LARP4B: variants seen among roughly 807,000 people sequenced by gnomAD.
LARP4B encodes the protein La ribonucleoprotein 4B.
In LARP4B, 12 loss-of-function variants were observed where a neutral mutation model predicts 89.8. The observed-to-expected ratio is 0.13, with a 90% CI of 0.09 to 0.22. LARP4B has a LOEUF of 0.22. Among genes scored for constraint, LARP4B ranks in the 10% least tolerant of loss-of-function variants. The pLI, the probability that LARP4B is intolerant of heterozygous loss-of-function variation, is 1.00. For missense variants in LARP4B, 757 were observed against 947.7 expected, an observed-to-expected ratio of 0.80 and a Z score of 2.64; for synonymous variants, 367 against 363.3, an observed-to-expected ratio of 1.01 and a Z score of -0.12.
chr10:847,962 G>A (rs747399501), intron 5 of LARP4B, among the ~76,000 whole-genome samples: 4 of 152,186 alleles, frequency 2.6e-5, no homozygotes, highest in African/African-American at 9.7e-5. Flanking sequence ...AGAGAATGCA[G>A]GAGATAGGGA....
the LARP4B span, among the ~76,000 whole-genome samples, chr10:980,149 C>T: frequency 6.6e-6 from 1 of 152,246 alleles, no homozygotes; most frequent in African/African-American, 2.4e-5. Context: ...ATCCAGGGCA[C>T]ACGGCTGCAA....
At chr10:974,054 G>A in the LARP4B span, among the ~76,000 whole-genome samples, 2 of 152,122 alleles carry the variant, frequency 1.3e-5, no homozygotes, top group Non-Finnish European at 2.9e-5. Flanking sequence ...ACAGCTCCCT[G>A]TGTCCCAAAG....
chr10:907,476 T>G (rs1167996193), intron 1 of LARP4B, among the ~76,000 whole-genome samples: 2 of 152,202 alleles, frequency 1.3e-5, no homozygotes, highest in Non-Finnish European at 2.9e-5. Context: ...GCATGTCCGT[T>G]TAAGTGTGCA....
intron 1 of LARP4B, among the ~76,000 whole-genome samples, chr10:897,746 C>T (rs1206353918): frequency 6.6e-6 from 1 of 152,008 alleles, no homozygotes; most frequent in South Asian, 2.1e-4. Context: ...CCAGCACTTT[C>T]CGAGGCCGAA....
intron 12 of LARP4B, 44 bp downstream of exon 12, chr10:825,720 A>G (rs1168124785): frequency 1.5e-6 from 2 of 1,291,242 alleles, no homozygotes; most frequent in South Asian, 2.5e-5. Context: ...CCGGAAGGGC[A>G]GTAGCGTAAA....
At chr10:851,333 G>A (rs149626397) in intron 5 of LARP4B, among the ~76,000 whole-genome samples, 48 of 152,076 alleles carry the variant, frequency 3.2e-4, no homozygotes, top group Middle Eastern at 3.4e-3. Flanking sequence ...ACAGGCGCCC[G>A]CCACCACAGG....
chr10:958,242 T>C, the LARP4B span, among the ~76,000 whole-genome samples: 1 of 152,208 alleles, frequency 6.6e-6, no homozygotes, highest in Admixed American at 6.5e-5. Flanking sequence ...GCTGGTCAGC[T>C]GCTCCCTGGC....
the LARP4B span, among the ~76,000 whole-genome samples, chr10:974,640 A>G: frequency 6.6e-6 from 1 of 152,224 alleles, no homozygotes; most frequent in Non-Finnish European, 1.5e-5. Flanking sequence ...TTGTCTCAGA[A>G]CACAGAAATG....
At chr10:843,810 C>A (rs1833645839) in intron 6 of LARP4B, among the ~76,000 whole-genome samples, 1 of 152,200 alleles carries the variant, frequency 6.6e-6, no homozygotes, top group Non-Finnish European at 1.5e-5. Flanking sequence ...CTCCTGTAGA[C>A]TCTGGAACAC....
At chr10:843,345 A>C (rs1358808797) in intron 6 of LARP4B, among the ~76,000 whole-genome samples, 1 of 152,238 alleles carries the variant, frequency 6.6e-6, no homozygotes, top group East Asian at 1.9e-4. Context: ...ATAAGATGTA[A>C]TTATTTATAG....
At chr10:867,862 GAAAAAAAAA>G (rs903762145) in intron 3 of LARP4B, among the ~76,000 whole-genome samples, 4 of 43,356 alleles carry the variant, frequency 9.2e-5, no homozygotes, top group Admixed American at 2.7e-4. Context: ...CTCCATCCTT[GAAAAAAAAA>G]AAAAAAAAAA....
chr10:965,298 G>C, the LARP4B span, among the ~76,000 whole-genome samples: 2 of 152,202 alleles, frequency 1.3e-5, no homozygotes, highest in African/African-American at 4.8e-5. Context: ...CGGTGGTGCT[G>C]ATTCACTTCC....
chr10:900,301 C>G (rs552449989), intron 1 of LARP4B, among the ~76,000 whole-genome samples: 1 of 151,652 alleles, frequency 6.6e-6, no homozygotes, highest in Non-Finnish European at 1.5e-5. Context: ...GAGCCAAGAT[C>G]GCACCATTGC....
At chr10:834,467 A>T (rs1833090198) in intron 8 of LARP4B, among the ~76,000 whole-genome samples, 1 of 152,226 alleles carries the variant, frequency 6.6e-6, no homozygotes, top group South Asian at 2.1e-4. Flanking sequence ...AGTGACATTT[A>T]AAGAATAATT....
chr10:807,472 A>G (rs1831598421), downstream of LARP4B: 1 of 152,298 alleles, frequency 6.6e-6, no homozygotes, highest in Non-Finnish European at 1.5e-5. Context: ...TGTCTTCTGC[A>G]TCTGCATCTC....
At chr10:905,746 A>G (rs542935429) in intron 1 of LARP4B, among the ~76,000 whole-genome samples, 1 of 152,058 alleles carries the variant, frequency 6.6e-6, no homozygotes, top group South Asian at 2.1e-4. Flanking sequence ...GCAGGACTGG[A>G]CGTCCTCCTG....
At chr10:926,918 T>C (rs1432519886) in intron 1 of LARP4B, among the ~76,000 whole-genome samples, 2 of 152,018 alleles carry the variant, frequency 1.3e-5, no homozygotes, top group African/African-American at 4.8e-5. Context: ...CACCTGTATG[T>C]AGTCCCAGCT....
At chr10:975,588 T>C in the LARP4B span, among the ~76,000 whole-genome samples, 1 of 152,226 alleles carries the variant, frequency 6.6e-6, no homozygotes, top group Non-Finnish European at 1.5e-5. Context: ...TGGCGAATCG[T>C]CTGAATGCAC....
intron 1 of LARP4B, among the ~76,000 whole-genome samples, chr10:918,137 A>T (rs1285772746): frequency 6.6e-6 from 1 of 152,192 alleles, no homozygotes; most frequent in Non-Finnish European, 1.5e-5. Flanking sequence ...ACAAGCAATG[A>T]CAGTTACATA....
Sources: allele counts gnomAD v4.1 joint callset (sites outside exome capture counted in the v4.1 genomes callset), GRCh38; gene constraint gnomAD v4.1.1; transcripts MANE v1.5; gene names NCBI Gene and HGNC (gene_info 2026-07-23, HGNC 2026-07-21).